KDM2B: variants seen among roughly 807,000 people sequenced by gnomAD.
KDM2B encodes the protein lysine demethylase 2B.
KDM2B carries 26 observed loss-of-function variants against 150.0 expected under a neutral mutation model. The ratio of observed to expected loss-of-function variants is 0.17; its 90% confidence interval spans 0.13 to 0.24. The LOEUF is 0.24. Among genes scored for constraint, KDM2B ranks in the 10% least tolerant of loss-of-function variants. The pLI is 1.00. For missense variants in KDM2B, 1,265 were observed against 1,816.9 expected (o/e 0.70, Z 5.52); for synonymous variants, 734 against 729.5 (o/e 1.01, Z -0.10).
At chr12:121,466,229 C>T (rs1253145224) in intron 12 of KDM2B, among the ~76,000 whole-genome samples, 1 of 152,184 alleles carries the variant, frequency 6.6e-6, no homozygotes, top group Non-Finnish European at 1.5e-5. Context: ...CACCCAAGTC[C>T]GTCCAATGCC....
At chr12:121,557,262 G>C (rs1328172989) in intron 4 of KDM2B, among the ~76,000 whole-genome samples, 42 of 128,526 alleles carry the variant, frequency 3.3e-4, no homozygotes, top group Non-Finnish European at 3.8e-4. Flanking sequence ...TTTTGAGACA[G>C]AGTCTCACTC....
intron 6 of KDM2B, among the ~76,000 whole-genome samples, chr12:121,538,970 C>T (rs1400229547): frequency 6.6e-6 from 1 of 152,038 alleles, no homozygotes; most frequent in African/African-American, 2.4e-5. Context: ...CCAGAGTCCC[C>T]GCCCTCCTCC....
intron 12 of KDM2B, among the ~76,000 whole-genome samples, chr12:121,492,724 G>A (rs1883488271): frequency 6.6e-6 from 1 of 151,152 alleles, no homozygotes; most frequent in African/African-American, 2.4e-5. Flanking sequence ...AGCTACTCAG[G>A]AGACTGAGGC....
At chr12:121,535,898 C>G (rs1888049220) in intron 6 of KDM2B, 2 of 216,214 alleles carry the variant, frequency 9.3e-6, no homozygotes, top group Non-Finnish European at 1.6e-5. Context: ...CCAGGGACCC[C>G]TCCCTGCCAC....
Position 121,433,168 on chromosome 12 carries a change from TCCCCAAAA to T in KDM2B, c.3830-2707_3830-2700del, listed in dbSNP as rs1566248339. The T allele has an allele frequency of 8.8e-6, 4 of 456,692 alleles. No homozygotes were observed. In the Admixed American group the frequency reaches 9.4e-5, roughly 11 times the overall value. 28.3% of individuals were successfully genotyped at this position (456,692 alleles called of 1,614,324 possible). On this transcript the variant is annotated intron_variant, in intron 22 of 22. Transcript: ENST00000377071. The stretch of plus-strand genomic sequence containing the variant: ...TCTTCCTGGCTTGTGGTTCACATAT[TCCCCAAAA>T]CTGGAGCCCAAAGACCCTTCCAACA...
In KDM2B at chr12:121,438,661, C is replaced by T. The variant is rs1452308153; in HGVS notation, c.3829+1196G>A. ...CTTCCTAGGTCCCGAATGATCTCAT[C>T]CCATCCAAAGCTCCCATGCCCCTGC... On this transcript the variant is annotated intron_variant, in intron 22 of 22. Coordinates refer to ENST00000377071, the MANE Select transcript of KDM2B (RefSeq NM_032590.5). Among the ~76,000 whole-genome samples, 3 of 152,104 alleles carry T rather than the reference C, an allele frequency of 2.0e-5. No individual in the cohort carries two copies. The East Asian group carries it at 5.8e-4, about 29-fold the overall frequency.
intron 12 of KDM2B, among the ~76,000 whole-genome samples, chr12:121,477,907 C>A (rs1380966360): frequency 1.1e-4 from 16 of 151,384 alleles, no homozygotes; most frequent in African/African-American, 3.6e-4. Context: ...TTTTTTTTAT[C>A]ATTAAAAAAA....
chr12:121,580,728 T>G, intron 1 of KDM2B, 58 bp downstream of exon 1: 37 of 1,438,652 alleles, frequency 2.6e-5, no homozygotes, highest in East Asian at 8.3e-5. Flanking sequence ...GTTCCTGCCC[T>G]CATTGCCCAG....
At chr12:121,530,121 G>A (rs556027469) in intron 8 of KDM2B, among the ~76,000 whole-genome samples, 5 of 150,918 alleles carry the variant, frequency 3.3e-5, no homozygotes, top group Admixed American at 6.6e-5. Context: ...CCAGCTATTC[G>A]GGAAGCTGAG....
intron 12 of KDM2B, among the ~76,000 whole-genome samples, chr12:121,487,351 GACTCCAT>G (rs1202389849): frequency 2.3e-4 from 35 of 152,152 alleles, no homozygotes; most frequent in African/African-American, 8.0e-4. Flanking sequence ...CCAGACTCCA[GACTCCAT>G]AAATGACTCA....
intron 4 of KDM2B, among the ~76,000 whole-genome samples, chr12:121,572,358 C>T (rs1891160018): frequency 6.6e-6 from 1 of 152,224 alleles, no homozygotes; most frequent in South Asian, 2.1e-4. Context: ...GGGAGGCCCT[C>T]ACATCCCAGC....
chr12:121,527,970 A>C (rs1218696736), intron 8 of KDM2B, among the ~76,000 whole-genome samples: 1 of 152,102 alleles, frequency 6.6e-6, no homozygotes, highest in African/African-American at 2.4e-5. Flanking sequence ...CAGGTACTTA[A>C]AGTTTCCAAC....
At chr12:121,503,483 G>A (rs1884777899) in intron 11 of KDM2B, among the ~76,000 whole-genome samples, 2 of 150,612 alleles carry the variant, frequency 1.3e-5, no homozygotes, top group Admixed American at 1.3e-4. Context: ...GTTTTGTTTT[G>A]TTTTGTTTTT....
intron 4 of KDM2B, among the ~76,000 whole-genome samples, chr12:121,559,035 C>T (rs1179518177): frequency 6.6e-6 from 1 of 152,204 alleles, no homozygotes; most frequent in Non-Finnish European, 1.5e-5. Flanking sequence ...CCCAGTCAGG[C>T]CAGGGCCAAG....
intron 8 of KDM2B, among the ~76,000 whole-genome samples, chr12:121,528,388 G>A (rs529931536): frequency 6.6e-6 from 1 of 151,972 alleles, no homozygotes; most frequent in African/African-American, 2.4e-5. Context: ...GAAAAACCCC[G>A]TCTCCACTAA....
chr12:121,490,488 T>C (rs1883230164), intron 12 of KDM2B, among the ~76,000 whole-genome samples: 1 of 152,170 alleles, frequency 6.6e-6, no homozygotes, highest in Non-Finnish European at 1.5e-5. Context: ...CTTCCTCAGT[T>C]TCTTCCTCTG....
At chr12:121,412,230 CTTTTTTT>C in the KDM2B span, among the ~76,000 whole-genome samples, 3 of 49,648 alleles carry the variant, frequency 6.0e-5, no homozygotes, top group Non-Finnish European at 1.1e-4. Flanking sequence ...CCCAACTAAT[CTTTTTTT>C]TTTTTTTTTT....
chr12:121,541,582 C>CA (rs1888620778), intron 6 of KDM2B, among the ~76,000 whole-genome samples: 1 of 151,846 alleles, frequency 6.6e-6, no homozygotes, highest in Non-Finnish European at 1.5e-5. Flanking sequence ...AAAATGTGCC[C>CA]AGCCCAGTGC....
chr12:121,453,366 T>C lies in KDM2B; in HGVS notation c.1735-22A>G, dbSNP rs1555292141. ...GGTTCTGCAGGGGAACAGACACGAC[T>C]GGTCAGATGGGGAGACTGCAGGCAC... On this transcript the variant is annotated intron_variant, in intron 12 of 22. Transcript: ENST00000377071. This position sits in a 1 kb window ranked among gnomAD's most constrained non-coding sequence, Gnocchi z 6.4. The C allele has an allele frequency of 3.9e-6, 6 of 1,533,216 alleles. No individual in the cohort carries two copies. In the Admixed American group the frequency reaches 9.8e-5, roughly 25 times the overall value. The allele number at this position is 1,533,216 out of a possible 1,614,324, so 95.0% of individuals were successfully genotyped here. A position where few individuals can be genotyped will look rare whatever the true frequency, so the allele number is the denominator to read the frequency against.
Sources: gnomAD v4.1 joint callset for allele counts (sites outside exome capture counted in the v4.1 genomes callset) on GRCh38, gnomAD v4.1.1 for gene constraint, Gnocchi (gnomAD v3.1) non-coding constraint, MANE v1.5 for transcripts, NCBI Gene and HGNC (gene_info 2026-07-23, HGNC 2026-07-21) for gene names.